The following U2SURP variants were observed in gnomAD, a reference collection of about 807,000 sequenced individuals.
U2SURP encodes the protein U2 snRNP-associated SURP motif-containing protein.
A neutral mutation model predicts 144.9 loss-of-function variants in U2SURP; 9 were observed. The ratio of observed to expected loss-of-function variants is 0.06; its 90% CI spans 0.04 to 0.11. U2SURP has a LOEUF of 0.11. Among genes scored for constraint, U2SURP ranks in the 10% least tolerant of loss-of-function variants. The pLI, the probability that U2SURP is intolerant of heterozygous loss-of-function variation, is 1.00. For synonymous variants in U2SURP, 408 were observed against 396.8 expected (o/e 1.03, Z -0.33); for missense variants, 724 against 1,226.7 (o/e 0.59, Z 6.12).
At chr3:143,055,206 ATTT>A (rs74668359) in intron 27 of U2SURP, 87 bp downstream of exon 27, 107 of 994,250 alleles carry the variant, frequency 1.1e-4, no homozygotes, top group Non-Finnish European at 1.2e-4. Context: ...GTTGGCATAC[ATTT>A]TTTTTTTTTT....
chr3:143,033,867 T>C (rs1009823005), intron 18 of U2SURP, among the ~76,000 whole-genome samples: 5 of 152,162 alleles, frequency 3.3e-5, no homozygotes, highest in Non-Finnish European at 5.9e-5. Flanking sequence ...TTGGAAAGAT[T>C]TTATATCATA....
In U2SURP at chr3:143,011,368, A is replaced by G. The variant is rs374352121; in HGVS notation, c.90+509A>G. 1.6e-4 allele frequency among the ~76,000 whole-genome samples: 25 copies of G among 152,252 alleles called. No homozygotes were observed. In the East Asian group the frequency reaches 3.7e-3, roughly 22 times the overall value. On this transcript the variant is annotated intron_variant, in intron 2 of 27. Transcript: ENST00000473835. ...TAATACTACAATAAGTATTTTTTTAATATATGTTATTACAGCAGTGTTCAA... is the reference window on the plus strand; with the variant it reads ...TAATACTACAATAAGTATTTTTTTAGTATATGTTATTACAGCAGTGTTCAA...
At chr3:143,020,157 GT>G in intron 7 of U2SURP, 121 bp downstream of exon 7, 1 of 572,464 alleles carries the variant, frequency 1.7e-6, no homozygotes, top group Non-Finnish European at 2.8e-6. Flanking sequence ...CTATGAGATT[GT>G]TTTAGATATT....
chr3:143,043,892 C>T (rs1013778319), intron 24 of U2SURP, among the ~76,000 whole-genome samples: 21 of 151,652 alleles, frequency 1.4e-4, no homozygotes, highest in African/African-American at 4.8e-4. Flanking sequence ...CCTCAGCCTC[C>T]GGAGTAGCCA....
rs1935264744 is a variant in U2SURP at position 143,058,884 on chromosome 3, T to C, written c.*2434T>C. 6.6e-6 allele frequency: 1 copy of C among 151,944 alleles called. No homozygotes were observed. Among genetic ancestry groups the C allele is most frequent in the African/African-American group, 2.4e-5 (1 of 41,438 alleles). 9.4% of individuals were successfully genotyped at this position (151,944 alleles called of 1,614,324 possible). ...CTATCTGTGGACACTTACTGTCCTC[T>C]ACCACAGCTACGTGCCAGAGTTGTT... is the stretch of plus-strand genomic sequence containing the variant. On this transcript the variant is annotated 3_prime_UTR_variant, in exon 28 of 28. Transcript: ENST00000473835.
At chr3:143,039,405 G>GA (rs977174071) in intron 23 of U2SURP, among the ~76,000 whole-genome samples, 9 of 151,708 alleles carry the variant, frequency 5.9e-5, no homozygotes, top group African/African-American at 1.9e-4. Flanking sequence ...GAATACAAAG[G>GA]AAAAAATCTT....
intron 20 of U2SURP, among the ~76,000 whole-genome samples, chr3:143,036,671 C>T (rs992369769): frequency 1.8e-4 from 27 of 152,136 alleles, no homozygotes; most frequent in African/African-American, 6.5e-4. Flanking sequence ...TTCCACCTAC[C>T]ATTGGACTTT....
chr3:143,034,740 T>TA (rs762012590), intron 18 of U2SURP, 148 bp from the exon 19 acceptor site: 12 of 585,682 alleles, frequency 2.0e-5, no homozygotes, highest in African/African-American at 3.8e-5. Context: ...GTTACGGTTT[T>TA]AGAGTTTAAA....
Position 143,035,956 on chromosome 3 carries a change from TTGTTGTC to T in U2SURP, c.1942-21_1942-15del. 6.4e-7 allele frequency: 1 copy of T among 1,569,902 alleles called. No individual in the cohort carries two copies. The highest frequency in any genetic ancestry group is 8.6e-7 in the Non-Finnish European group (1 of 1,164,290). ...GAGACATATAGCCCAAAATAAAAGT[TTGTTGTC>T]TGTTTCCTGTTTCTTTAGCAACGGG... is the stretch of plus-strand genomic sequence containing the variant. On this transcript the variant is annotated intron_variant, in intron 19 of 27. Coordinates refer to ENST00000473835, the MANE Select transcript of U2SURP (RefSeq NM_001080415.2).
Position 143,003,829 on chromosome 3 carries a change from C to T in U2SURP, c.45+2156C>T, listed in dbSNP as rs527418570. Among the ~76,000 whole-genome samples the T allele has an allele frequency of 3.0e-3, 454 of 151,390 alleles. 4 individuals carry two copies. The highest frequency in any genetic ancestry group is 5.0e-3 in the Non-Finnish European group (340 of 67,640). ...GCCTCAGCCTCCCTAGTAGCTGGGA[C>T]TACAGGCGCCCGCCAGTACGCCCGG... On this transcript the variant is annotated intron_variant, in intron 1 of 27. Transcript: ENST00000473835.
chr3:143,044,315 G>GTTTT (rs1252310614), intron 24 of U2SURP, among the ~76,000 whole-genome samples: 2 of 21,188 alleles, frequency 9.4e-5, no homozygotes, highest in African/African-American at 6.1e-4. Context: ...TTGAGACGGG[G>GTTTT]TTTCTTTCTG....
At chr3:143,002,093 A>G (rs1935564148) in intron 1 of U2SURP, 1 of 226,744 alleles carries the variant, frequency 4.4e-6, no homozygotes, top group Non-Finnish European at 8.8e-6. Flanking sequence ...GATCTCACTC[A>G]CTTCCGGCCT....
At position 143,022,849 on chromosome 3, in the gene U2SURP, G is replaced by A. The variant is rs754830461; in HGVS notation, c.1019-4G>A. The A allele has an allele frequency of 6.4e-7, 1 of 1,550,570 alleles. No homozygotes were observed. The highest frequency in any genetic ancestry group is 1.4e-5 in the African/African-American group (1 of 72,300). On this transcript the variant is annotated splice_region_variant and splice_polypyrimidine_tract_variant and intron_variant, in intron 11 of 27. Coordinates refer to ENST00000473835, the MANE Select transcript of U2SURP (RefSeq NM_001080415.2). ...CAAAATGACCTTTCATTTCTTTCTT[G>A]TAGGAAAAATGATTATGTCTTTTGA...
intron 24 of U2SURP, among the ~76,000 whole-genome samples, chr3:143,045,220 T>C (rs1934363030): frequency 6.6e-6 from 1 of 151,934 alleles, no homozygotes; most frequent in African/African-American, 2.4e-5. Flanking sequence ...AATACAAAAA[T>C]TAGCCGGGCA....
chr3:143,053,525 G>A (rs995076578), intron 25 of U2SURP, 151 bp from the exon 26 acceptor site: 26 of 510,540 alleles, frequency 5.1e-5, no homozygotes, highest in Middle Eastern at 1.1e-3. Context: ...TAGTTTCCCT[G>A]AAGGGGTAGA....
intron 3 of U2SURP, among the ~76,000 whole-genome samples, chr3:143,013,043 A>G (rs770523257): frequency 6.6e-6 from 1 of 152,024 alleles, no homozygotes; most frequent in Non-Finnish European, 1.5e-5. Flanking sequence ...TCCTGTTTTT[A>G]GTTATAAATT....
At chr3:143,018,112 G>T (rs563795942) in intron 6 of U2SURP, among the ~76,000 whole-genome samples, 1 of 152,116 alleles carries the variant, frequency 6.6e-6, no homozygotes, top group East Asian at 1.9e-4. Context: ...TAAGTATGTT[G>T]AAAATTGTGC....
At chr3:143,039,637 A>G (rs1206255033) in intron 23 of U2SURP, among the ~76,000 whole-genome samples, 3 of 145,474 alleles carry the variant, frequency 2.1e-5, no homozygotes, top group Admixed American at 7.0e-5. Flanking sequence ...GTAGGAAGAG[A>G]TGGTATCACA....
intron 17 of U2SURP, 114 bp from the exon 18 acceptor site, chr3:143,033,157 T>C (rs1933600121): frequency 1.2e-6 from 1 of 822,746 alleles, no homozygotes; most frequent in Non-Finnish European, 1.9e-6. Context: ...GCCAGAGTCA[T>C]AGTTGTGGTG....
Sources: allele counts gnomAD v4.1 joint callset (sites outside exome capture counted in the v4.1 genomes callset), GRCh38; gene constraint gnomAD v4.1.1; transcripts MANE v1.5; gene names NCBI Gene and HGNC (gene_info 2026-07-23, HGNC 2026-07-21).